Variants in PPARGC1A observed in about 807,000 individuals in gnomAD.
PPARGC1A encodes peroxisome proliferator-activated receptor gamma coactivator 1-alpha.
PPARGC1A carries 25 observed loss-of-function variants against 88.7 expected under a neutral mutation model. The ratio of observed to expected loss-of-function variants is 0.28; its 90% CI spans 0.21 to 0.39. The LOEUF (loss-of-function observed/expected upper bound fraction) is 0.39, where lower values mean the gene tolerates loss of function less well. Among genes scored for constraint, PPARGC1A ranks in the 10% least tolerant of loss-of-function variants. The pLI is 1.00. For missense variants in PPARGC1A, 880 were observed against 968.7 expected (o/e 0.91, Z 1.22); for synonymous variants, 363 against 355.6 (o/e 1.02, Z -0.24).
the PPARGC1A span, among the ~76,000 whole-genome samples, chr4:24,448,697 C>G: frequency 6.6e-6 from 1 of 152,278 alleles, no homozygotes; most frequent in South Asian, 2.1e-4. Flanking sequence ...CCCAGAAGAT[C>G]GAAGGTTAAT....
At chr4:23,890,863 G>A (rs1375803645), upstream of PPARGC1A, among the ~76,000 whole-genome samples, 1 of 152,072 alleles carries the variant, frequency 6.6e-6, no homozygotes, top group Non-Finnish European at 1.5e-5. Context: ...TACAGTCGCT[G>A]CTGCTCTGCT....
the PPARGC1A span, among the ~76,000 whole-genome samples, chr4:24,444,593 A>G: frequency 7.9e-5 from 12 of 152,352 alleles, no homozygotes; most frequent in East Asian, 2.3e-3. Context: ...GTACAGGGTC[A>G]TGCATGAGCC....
At position 23,824,266 on chromosome 4, in the gene PPARGC1A, A is replaced by T; in HGVS notation, c.877+14T>A. Reference sequence around the variant, plus strand: ...ACAGACACACACAAGTTCTAAGTGAAATATAAGGCTTACCTGCAGTTCCAG... The same window carrying T: ...ACAGACACACACAAGTTCTAAGTGATATATAAGGCTTACCTGCAGTTCCAG... On this transcript the variant is annotated intron_variant, in intron 7 of 12. Coordinates refer to ENST00000264867, the MANE Select transcript of PPARGC1A (RefSeq NM_013261.5). 1 of 1,606,016 alleles carries T rather than the reference A, an allele frequency of 6.2e-7. No homozygotes were observed. The highest frequency in any genetic ancestry group is 8.5e-7 in the Non-Finnish European group (1 of 1,173,010).
chr4:23,999,893 A>G, the PPARGC1A span, among the ~76,000 whole-genome samples: 4 of 151,890 alleles, frequency 2.6e-5, no homozygotes, highest in East Asian at 7.8e-4. Context: ...AGCTGCCCCA[A>G]GAACAAGGAT....
chr4:23,947,874 G>A, the PPARGC1A span, among the ~76,000 whole-genome samples: 2 of 152,120 alleles, frequency 1.3e-5, no homozygotes, highest in Non-Finnish European at 2.9e-5. Context: ...CCTCCCTGCT[G>A]TCCTAGGCTC....
At chr4:23,940,464 G>T in the PPARGC1A span, among the ~76,000 whole-genome samples, 4 of 152,136 alleles carry the variant, frequency 2.6e-5, no homozygotes, top group African/African-American at 7.2e-5. Context: ...CAAGGAAGAA[G>T]GACAGATTGA....
the PPARGC1A span, among the ~76,000 whole-genome samples, chr4:24,335,372 C>T: frequency 2.0e-5 from 3 of 152,130 alleles, no homozygotes; most frequent in African/African-American, 7.2e-5. Flanking sequence ...ATTTATGATG[C>T]CAGCCCATAG....
chr4:24,372,543 C>T, the PPARGC1A span, among the ~76,000 whole-genome samples: 1 of 152,232 alleles, frequency 6.6e-6, no homozygotes, highest in African/African-American at 2.4e-5. Flanking sequence ...TTGTTCTACA[C>T]AGCCCTTATC....
Position 23,794,656 on chromosome 4 carries a change from T to C in PPARGC1A, c.*1166A>G, listed in dbSNP as rs1411706109. 1 of 152,626 alleles carries C rather than the reference T, an allele frequency of 6.6e-6. No homozygotes were observed. Among genetic ancestry groups the C allele is most frequent in the East Asian group, 1.9e-4 (1 of 5,196 alleles). 9.5% of individuals were successfully genotyped at this position (152,626 alleles called of 1,614,324 possible). A position where few individuals can be genotyped will look rare whatever the true frequency, so the allele number is the denominator to read the frequency against. ...AATTTAGCAGTTTTGAAAAGAAGGC[T>C]GCATTTACAGTGCATAGCTGTAACA... On this transcript the variant is annotated 3_prime_UTR_variant, in exon 13 of 13. Coordinates refer to ENST00000264867, the MANE Select transcript of PPARGC1A (RefSeq NM_013261.5).
At chr4:23,942,944 A>G in the PPARGC1A span, among the ~76,000 whole-genome samples, 1 of 152,206 alleles carries the variant, frequency 6.6e-6, no homozygotes, top group African/African-American at 2.4e-5. Flanking sequence ...ACAGTCTAAG[A>G]AGGTGTTTTG....
At chr4:24,324,657 T>C in the PPARGC1A span, among the ~76,000 whole-genome samples, 16 of 152,194 alleles carry the variant, frequency 1.1e-4, no homozygotes, top group Non-Finnish European at 7.3e-5. Flanking sequence ...AATGGCACTT[T>C]CAATTTTTCC....
At chr4:23,884,585 G>T (rs1225068516) in intron 2 of PPARGC1A, 167 bp downstream of exon 2, 3 of 534,856 alleles carry the variant, frequency 5.6e-6, no homozygotes, top group African/African-American at 1.9e-5. Context: ...CAAAACATTT[G>T]TTTTCCAAAT....
chr4:24,433,265 C>G, the PPARGC1A span, among the ~76,000 whole-genome samples: 1 of 152,028 alleles, frequency 6.6e-6, no homozygotes, highest in Non-Finnish European at 1.5e-5. Flanking sequence ...AACCACTGTC[C>G]CTGTATGTTT....
chr4:24,307,552 C>A, the PPARGC1A span, among the ~76,000 whole-genome samples: 2 of 152,106 alleles, frequency 1.3e-5, no homozygotes, highest in East Asian at 3.9e-4. Context: ...GCTTAGCTAT[C>A]CCCAAAATAA....
At chr4:24,300,820 C>A in the PPARGC1A span, among the ~76,000 whole-genome samples, 1 of 152,138 alleles carries the variant, frequency 6.6e-6, no homozygotes, top group Admixed American at 6.6e-5. Flanking sequence ...CAAGAAACTC[C>A]TTAAAAGATG....
At chr4:24,074,311 C>T in the PPARGC1A span, among the ~76,000 whole-genome samples, 6 of 151,746 alleles carry the variant, frequency 4.0e-5, no homozygotes, top group African/African-American at 1.2e-4. Flanking sequence ...TACCAATTTC[C>T]GTTTCCTCAT....
chr4:23,900,696 T>C (rs765684482), upstream of PPARGC1A, among the ~76,000 whole-genome samples: 9 of 152,204 alleles, frequency 5.9e-5, no homozygotes, highest in African/African-American at 9.6e-5. Context: ...TTAAGTCCTA[T>C]AGTAAGTCGA....
intron 7 of PPARGC1A, among the ~76,000 whole-genome samples, chr4:23,816,346 T>C (rs183615335): frequency 1.3e-5 from 2 of 152,102 alleles, no homozygotes; most frequent in Admixed American, 6.6e-5. Context: ...TCTGTGCCAC[T>C]GAGGCACACT....
At chr4:24,463,977 T>C in the PPARGC1A span, among the ~76,000 whole-genome samples, 3 of 152,240 alleles carry the variant, frequency 2.0e-5, no homozygotes, top group Non-Finnish European at 4.4e-5. Flanking sequence ...CTTGGTGACA[T>C]TGTTTTATTC....
Sources: gnomAD v4.1 joint callset for allele counts (sites outside exome capture counted in the v4.1 genomes callset) on GRCh38, gnomAD v4.1.1 for gene constraint, MANE v1.5 for transcripts, NCBI Gene and HGNC (gene_info 2026-07-23, HGNC 2026-07-21) for gene names.